LRRC4C: variants seen among roughly 807,000 people sequenced by gnomAD.
The protein encoded by LRRC4C is leucine-rich repeat-containing protein 4C.
A neutral mutation model predicts 33.6 loss-of-function variants in LRRC4C; 5 were observed. The ratio of observed to expected loss-of-function variants is 0.15; its 90% confidence interval spans 0.08 to 0.31. The LOEUF (loss-of-function observed/expected upper bound fraction) is 0.31, where lower values mean the gene tolerates loss of function less well. LRRC4C is among the 10% of genes least tolerant of loss of function. The pLI is 1.00. For missense variants in LRRC4C, 560 were observed against 796.7 expected, an observed-to-expected ratio of 0.70 and a Z score of 3.58; for synonymous variants, 329 against 302.0, an observed-to-expected ratio of 1.09 and a Z score of -0.93.
intron 3 of LRRC4C, among the ~76,000 whole-genome samples, chr11:40,563,648 A>T (rs1455551424): frequency 1.3e-5 from 2 of 152,192 alleles, no homozygotes; most frequent in Non-Finnish European, 2.9e-5. Context: ...AGAGCTCCCA[A>T]GATGTGTACA....
chr11:41,012,580 C>T (rs115874407), intron 1 of LRRC4C, among the ~76,000 whole-genome samples: 2,228 of 152,116 alleles, frequency 0.015, 55 homozygotes, highest in African/African-American at 0.051. Context: ...TCTATATTTC[C>T]TTTCTTTTGA....
At chr11:40,624,263 GA>G (rs1962726784) in intron 3 of LRRC4C, among the ~76,000 whole-genome samples, 1 of 152,068 alleles carries the variant, frequency 6.6e-6, no homozygotes, top group African/African-American at 2.4e-5. Flanking sequence ...TAGTGATGCA[GA>G]AAATTATAAA....
chr11:40,158,958 T>G (rs190572670), intron 5 of LRRC4C, among the ~76,000 whole-genome samples: 2 of 152,290 alleles, frequency 1.3e-5, no homozygotes, highest in Non-Finnish European at 2.9e-5. Context: ...CACTCATGAT[T>G]TTTTTCTTAT....
At chr11:41,053,489 C>A (rs1858402604) in intron 1 of LRRC4C, among the ~76,000 whole-genome samples, 1 of 152,324 alleles carries the variant, frequency 6.6e-6, no homozygotes, top group South Asian at 2.1e-4. Context: ...ACTTTGACTG[C>A]AGCCTTGTAA....
chr11:41,376,283 C>T (rs1952934047), intron 1 of LRRC4C, among the ~76,000 whole-genome samples: 2 of 152,248 alleles, frequency 1.3e-5, no homozygotes, highest in South Asian at 4.1e-4. Context: ...GCCAGCCTTG[C>T]TTCTCTGCAC....
chr11:40,223,863 C>T (rs1864595944), intron 5 of LRRC4C, among the ~76,000 whole-genome samples: 1 of 152,160 alleles, frequency 6.6e-6, no homozygotes, highest in African/African-American at 2.4e-5. Context: ...TGCATGTTTC[C>T]CATCTAACTG....
At chr11:40,357,725 G>T (rs1397171427) in intron 3 of LRRC4C, among the ~76,000 whole-genome samples, 1 of 151,790 alleles carries the variant, frequency 6.6e-6, no homozygotes, top group Non-Finnish European at 1.5e-5. Context: ...TATTCAAAAG[G>T]TATCCACACA....
intron 1 of LRRC4C, among the ~76,000 whole-genome samples, chr11:41,257,417 A>G (rs533548023): frequency 1.3e-4 from 20 of 152,134 alleles, no homozygotes; most frequent in African/African-American, 4.8e-4. Flanking sequence ...TAACTTGGTT[A>G]ATTTCAGGAG....
chr11:40,322,646 G>A (rs113224779), intron 3 of LRRC4C, among the ~76,000 whole-genome samples: 130 of 152,260 alleles, frequency 8.5e-4, no homozygotes, highest in African/African-American at 3.1e-3. Flanking sequence ...GACAATCTAA[G>A]GTCAGCAGCA....
chr11:40,480,241 A>G (rs1953477032), intron 3 of LRRC4C, among the ~76,000 whole-genome samples: 1 of 151,654 alleles, frequency 6.6e-6, no homozygotes, highest in African/African-American at 2.4e-5. Context: ...TGAAATTGAC[A>G]CTTACCAGCT....
At chr11:40,475,768 C>T (rs1045691532) in intron 3 of LRRC4C, among the ~76,000 whole-genome samples, 1 of 152,062 alleles carries the variant, frequency 6.6e-6, no homozygotes, top group Non-Finnish European at 1.5e-5. Context: ...CTCCAACTTT[C>T]CTCTTCTTAT....
intron 1 of LRRC4C, among the ~76,000 whole-genome samples, chr11:41,122,583 C>T (rs1942497376): frequency 6.6e-6 from 1 of 151,710 alleles, no homozygotes; most frequent in East Asian, 1.9e-4. Context: ...TGCCAATCAT[C>T]ATACAGGTTA....
intron 1 of LRRC4C, among the ~76,000 whole-genome samples, chr11:41,248,093 C>A (rs1209893598): frequency 1.3e-5 from 2 of 152,130 alleles, no homozygotes; most frequent in African/African-American, 4.8e-5. Context: ...GTCAAGAACC[C>A]AGCAGATTCT....
chr11:41,200,354 A>G (rs1436941277), intron 1 of LRRC4C, among the ~76,000 whole-genome samples: 2 of 152,110 alleles, frequency 1.3e-5, no homozygotes, highest in South Asian at 4.1e-4. Flanking sequence ...TTAGTCTACC[A>G]AGGCTTTCTA....
At chr11:40,150,960 C>A (rs2135111396) in intron 5 of LRRC4C, among the ~76,000 whole-genome samples, 1 of 152,206 alleles carries the variant, frequency 6.6e-6, no homozygotes, top group East Asian at 1.9e-4. Context: ...TGCCATCTGC[C>A]AACTACCAGT....
In LRRC4C at chr11:41,261,116, C is replaced by A. The variant is rs905849727; in HGVS notation, c.-496+198315G>T. On this transcript the variant is annotated intron_variant, in intron 1 of 6. Coordinates refer to ENST00000528697, the MANE Select transcript of LRRC4C (RefSeq NM_001258419.2). ...ATGTAATAGTATTAAGACATAGGGC[C>A]TTTAGGTGGTGATTAAGTCCTAGGG... Among the ~76,000 whole-genome samples, 192 of 152,104 alleles carry A rather than the reference C, an allele frequency of 1.3e-3. 1 individual carries two copies. The highest frequency in any genetic ancestry group is 4.3e-3 in the African/African-American group (180 of 41,528).
intron 1 of LRRC4C, among the ~76,000 whole-genome samples, chr11:41,130,181 C>A (rs1942946873): frequency 6.6e-6 from 1 of 151,916 alleles, no homozygotes; most frequent in Non-Finnish European, 1.5e-5. Context: ...TCACTTTCAT[C>A]TGTACAGTAT....
At chr11:40,660,727 C>G (rs1467748775) in intron 2 of LRRC4C, among the ~76,000 whole-genome samples, 1 of 152,178 alleles carries the variant, frequency 6.6e-6, no homozygotes, top group Non-Finnish European at 1.5e-5. Flanking sequence ...CAATCATCTC[C>G]TGCACATTTT....
chr11:40,618,154 T>C (rs906834418), intron 3 of LRRC4C, among the ~76,000 whole-genome samples: 43 of 151,582 alleles, frequency 2.8e-4, no homozygotes, highest in African/African-American at 1.0e-3. Flanking sequence ...AATAGGGACT[T>C]TGAAGATGTA....
Sources: gnomAD v4.1 joint callset for allele counts (sites outside exome capture counted in the v4.1 genomes callset) on GRCh38, gnomAD v4.1.1 for gene constraint, MANE v1.5 for transcripts, NCBI Gene and HGNC (gene_info 2026-07-23, HGNC 2026-07-21) for gene names.